The following PAK3 variants were observed in gnomAD, a reference collection of about 807,000 sequenced individuals.
PAK3 encodes the protein p21 (RAC1) activated kinase 3.
In PAK3, 4 loss-of-function variants were observed where a neutral mutation model predicts 41.0. That is an observed-to-expected ratio of 0.10 (90% CI 0.05 to 0.22). PAK3 has a LOEUF of 0.22. Ranked by LOEUF, PAK3 falls within the 10% of genes least tolerant of loss-of-function variation. PAK3 has a pLI of 1.00. For missense variants in PAK3, 205 were observed against 409.9 expected (o/e 0.50, Z 4.32); for synonymous variants, 146 against 139.6 (o/e 1.05, Z -0.32).
intron 1 of PAK3, among the ~76,000 whole-genome samples, chrX:110,997,863 G>A (rs192081134): frequency 9.0e-6 from 1 of 111,031 alleles, no homozygotes; most frequent in African/African-American, 3.3e-5. Context: ...AGACCTGAGA[G>A]TGACCATTCA....
chrX:110,961,735 T>C (rs1280873533), intron 1 of PAK3, among the ~76,000 whole-genome samples: 3 of 112,284 alleles, frequency 2.7e-5, no homozygotes, highest in African/African-American at 9.7e-5. Flanking sequence ...CCAATCCCAT[T>C]CTCTCACCTT....
At position 111,082,279 on chromosome X, in the gene PAK3, G is replaced by A. The variant is rs747002816; in HGVS notation, c.-27-40798G>A. The stretch of plus-strand genomic sequence containing the variant: ...CAACTATTAGAAATAACTGGGTAGA[G>A]CTTAAGGGGGACTGAGGCTCTCTAT... On this transcript the variant is annotated intron_variant, in intron 1 of 14. Coordinates refer to the PAK3 transcript ENST00000425146. Among the ~76,000 whole-genome samples, 3 of 111,686 alleles carry A rather than the reference G, an allele frequency of 2.7e-5. No homozygotes were observed. In the South Asian group the frequency reaches 1.1e-3, roughly 43 times the overall value.
At chrX:110,973,981 T>C (rs2091270526) in intron 1 of PAK3, among the ~76,000 whole-genome samples, 1 of 111,883 alleles carries the variant, frequency 8.9e-6, no homozygotes, top group Non-Finnish European at 1.9e-5. Flanking sequence ...CATTACATAA[T>C]GGTAAAGGGA....
intron 8 of PAK3, among the ~76,000 whole-genome samples, chrX:111,160,344 A>G (rs187885791): frequency 0.017 from 1,848 of 111,454 alleles, 17 homozygotes; most frequent in Middle Eastern, 0.033. Flanking sequence ...TCAATATAAG[A>G]AGTATTAATC....
rs2094957161 is a variant in PAK3, at chrX:111,227,171, G to A, written c.*6724G>A. 8.9e-6 allele frequency: 1 copy of A among 111,934 alleles called. No homozygotes were observed. The highest frequency in any genetic ancestry group is 3.7e-4 in the South Asian group (1 of 2,698). The allele number at this position is 111,934 out of a possible 1,213,427, so 9.2% of individuals were successfully genotyped here. On this transcript the variant is annotated 3_prime_UTR_variant, in exon 18 of 18. Transcript: ENST00000372007. The stretch of plus-strand genomic sequence containing the variant: ...CTTTTGTAGACCTGCTGATGGTATG[G>A]TTCCATCCTTCTGACCTCAGCATCC...
intron 1 of PAK3, among the ~76,000 whole-genome samples, chrX:110,974,523 C>T (rs1273548038): frequency 9.0e-6 from 1 of 111,550 alleles, no homozygotes; most frequent in East Asian, 2.8e-4. Context: ...CCAAATTCTA[C>T]CAGAGGTTCA....
At chrX:111,168,394 T>G (rs1261317751) in intron 10 of PAK3, among the ~76,000 whole-genome samples, 1 of 112,010 alleles carries the variant, frequency 8.9e-6, no homozygotes, top group African/African-American at 3.2e-5. Context: ...GTTTTTTCTT[T>G]ATCGTAATTT....
chrX:111,186,337 A>G (rs1028265763), intron 11 of PAK3, among the ~76,000 whole-genome samples: 10 of 111,490 alleles, frequency 9.0e-5, no homozygotes, highest in African/African-American at 3.3e-4. Context: ...AAATAGGAAG[A>G]GAGGAAGTCA....
At chrX:111,108,925 T>C (rs2093322148) in intron 4 of PAK3, among the ~76,000 whole-genome samples, 1 of 112,231 alleles carries the variant, frequency 8.9e-6, no homozygotes, top group Non-Finnish European at 1.9e-5. Flanking sequence ...TTATATGATA[T>C]TTTATACTTT....
At chrX:111,037,057 G>T (rs760212273) in intron 1 of PAK3, among the ~76,000 whole-genome samples, 1 of 111,015 alleles carries the variant, frequency 9.0e-6, no homozygotes, top group African/African-American at 3.3e-5. Flanking sequence ...TGATTCTCCC[G>T]TCCCAGCCTC....
chrX:110,967,393 T>G (rs2091103635), intron 1 of PAK3, among the ~76,000 whole-genome samples: 1 of 110,332 alleles, frequency 9.1e-6, no homozygotes, highest in African/African-American at 3.3e-5. Flanking sequence ...GTAAAAAGAG[T>G]GTAAGTAGGC....
intron 11 of PAK3, among the ~76,000 whole-genome samples, chrX:111,190,422 A>G (rs756180107): frequency 1.5e-4 from 17 of 111,857 alleles, no homozygotes; most frequent in Non-Finnish European, 3.0e-4. Flanking sequence ...TAAGGATTAC[A>G]TAAGATAAAT....
chrX:110,964,825 G>A (rs2091048541), intron 1 of PAK3, among the ~76,000 whole-genome samples: 1 of 112,249 alleles, frequency 8.9e-6, no homozygotes, highest in Admixed American at 9.4e-5. Flanking sequence ...GGAGGAGGGG[G>A]AGAAGGAAGC....
chrX:111,146,635 G>A, intron 6 of PAK3: 1 of 604,783 alleles, frequency 1.7e-6, no homozygotes, highest in Non-Finnish European at 2.6e-6. Context: ...TGCAGCAGCA[G>A]GTTCATGTGT....
At chrX:110,961,551 C>T (rs1023644954) in intron 1 of PAK3, among the ~76,000 whole-genome samples, 1 of 111,862 alleles carries the variant, frequency 8.9e-6, no homozygotes, top group Non-Finnish European at 1.9e-5. Flanking sequence ...ACTTCCAAAA[C>T]TTTCCTCATT....
intron 1 of PAK3, among the ~76,000 whole-genome samples, chrX:111,048,727 C>G (rs942874148): frequency 8.9e-6 from 1 of 112,421 alleles, no homozygotes. Flanking sequence ...TCTATCTCCA[C>G]TGCTCCCACC....
At position 111,194,921 on chromosome X, in the gene PAK3, C is replaced by T. The variant is rs995896560; in HGVS notation, c.1110+503C>T. On this transcript the variant is annotated intron_variant, in intron 14 of 17. Transcript: ENST00000372007. ...CCTTACAGCCCCCAAGTGGGCCTGA[C>T]GGTCTGTCTCTTTTCCAGTAAGTGT... Among the ~76,000 whole-genome samples the T allele has an allele frequency of 8.0e-5, 9 of 112,358 alleles. No individual in the cohort carries two copies. The South Asian group carries it at 1.1e-3, about 14-fold the overall frequency.
At chrX:111,128,444 A>G (rs1383823053) in intron 5 of PAK3, among the ~76,000 whole-genome samples, 1 of 112,262 alleles carries the variant, frequency 8.9e-6, no homozygotes, top group East Asian at 2.8e-4. Flanking sequence ...CAGGCACTTT[A>G]CATGTATTGA....
At chrX:111,038,017 A>C (rs1018316336) in intron 1 of PAK3, among the ~76,000 whole-genome samples, 5 of 111,533 alleles carry the variant, frequency 4.5e-5, no homozygotes, top group Admixed American at 9.5e-5. Flanking sequence ...GATGTTGACA[A>C]ATTATTTGAC....
Sources: allele counts gnomAD v4.1 joint callset (sites outside exome capture counted in the v4.1 genomes callset), GRCh38; gene constraint gnomAD v4.1.1; transcripts MANE v1.5; gene names NCBI Gene and HGNC (gene_info 2026-07-23, HGNC 2026-07-21).